The following EDARADD variants were observed in gnomAD, a reference collection of about 807,000 sequenced individuals.
The protein encoded by EDARADD is ectodysplasin-A receptor-associated adapter protein.
In EDARADD, 20 loss-of-function variants were observed where a neutral mutation model predicts 25.6. The observed-to-expected ratio is 0.78, with a 90% CI of 0.55 to 1.14. The LOEUF (loss-of-function observed/expected upper bound fraction) is 1.14. EDARADD is among the 50% of genes most tolerant of loss of function. EDARADD has a pLI of 0.00. For missense variants in EDARADD, 225 were observed against 270.1 expected, an observed-to-expected ratio of 0.83 and a Z score of 1.17; for synonymous variants, 86 against 94.4, an observed-to-expected ratio of 0.91 and a Z score of 0.52.
At chr1:236,466,231 T>C (rs1659182187) in intron 4 of EDARADD, among the ~76,000 whole-genome samples, 1 of 152,168 alleles carries the variant, frequency 6.6e-6, no homozygotes, top group South Asian at 2.1e-4. Flanking sequence ...GCAGGAGTGT[T>C]GCAGATGCAA....
intron 3 of EDARADD, among the ~76,000 whole-genome samples, chr1:236,371,105 C>T (rs990001750): frequency 3.9e-5 from 6 of 152,196 alleles, no homozygotes; most frequent in African/African-American, 1.4e-4. Context: ...GGTAGGTTTG[C>T]ATAGTACCCC....
chr1:236,416,976 T>G (rs1340074160), intron 3 of EDARADD, among the ~76,000 whole-genome samples: 1 of 152,034 alleles, frequency 6.6e-6, no homozygotes, highest in Non-Finnish European at 1.5e-5. Context: ...TAGCTGGGCG[T>G]GGTGACATGT....
chr1:236,436,676 A>G (rs1005506533), intron 4 of EDARADD, among the ~76,000 whole-genome samples: 1 of 151,188 alleles, frequency 6.6e-6, no homozygotes, highest in African/African-American at 2.4e-5. Flanking sequence ...TAGAGGCAGG[A>G]CTCAAAGAAG....
intron 3 of EDARADD, among the ~76,000 whole-genome samples, chr1:236,376,164 A>C (rs1667222029): frequency 1.3e-5 from 2 of 152,074 alleles, no homozygotes; most frequent in South Asian, 4.2e-4. Context: ...TGAACTCCTG[A>C]CCAAAGGTGA....
intron 3 of EDARADD, among the ~76,000 whole-genome samples, chr1:236,357,841 T>C (rs1666998478): frequency 6.6e-6 from 1 of 151,822 alleles, no homozygotes; most frequent in African/African-American, 2.4e-5. Flanking sequence ...TCAAACTATA[T>C]CACCACCTTA....
chr1:236,458,496 T>C lies in EDARADD; in HGVS notation c.220-9735T>C, dbSNP rs570638599. 7.2e-5 allele frequency among the ~76,000 whole-genome samples: 11 copies of C among 152,244 alleles called. No homozygotes were observed. The South Asian group carries it at 2.1e-3, about 29-fold the overall frequency. ...AAGGAAGTACCTAGATTGTAACCAG[T>C]AACATGTGGGGAGTGAGATGGGATT... On this transcript the variant is annotated intron_variant, in intron 4 of 5. Transcript: ENST00000334232.
exon 2 of EDARADD, chr1:236,348,950 T>C (rs1293044029): frequency 6.6e-6 from 1 of 152,074 alleles, no homozygotes; most frequent in Non-Finnish European, 1.5e-5. Flanking sequence ...TGATTTTGGC[T>C]GGTGTCTAAA....
At chr1:236,460,295 C>T (rs549218631) in intron 4 of EDARADD, among the ~76,000 whole-genome samples, 2 of 151,674 alleles carry the variant, frequency 1.3e-5, no homozygotes, top group African/African-American at 4.8e-5. Flanking sequence ...AGCAATCCTC[C>T]CACCTCAGCC....
At chr1:236,355,021 A>C (rs1192745793) in intron 3 of EDARADD, among the ~76,000 whole-genome samples, 1 of 152,202 alleles carries the variant, frequency 6.6e-6, no homozygotes, top group East Asian at 1.9e-4. Flanking sequence ...TTTGAAGAGA[A>C]AGCACCTTTA....
intron 3 of EDARADD, among the ~76,000 whole-genome samples, chr1:236,423,774 G>A (rs923655626): frequency 4.6e-5 from 7 of 152,162 alleles, no homozygotes; most frequent in African/African-American, 1.7e-4. Context: ...TAGGCATGGG[G>A]TATGGAAGCC....
chr1:236,427,962 AT>A (rs1194524277), intron 4 of EDARADD, among the ~76,000 whole-genome samples: 102 of 98,048 alleles, frequency 1.0e-3, no homozygotes, highest in South Asian at 7.2e-3. Flanking sequence ...TAATTTATTT[AT>A]TTTATTTTAT....
chr1:236,469,332 G>A (rs1310775065), intron 5 of EDARADD, among the ~76,000 whole-genome samples: 4 of 152,030 alleles, frequency 2.6e-5, no homozygotes, highest in African/African-American at 9.7e-5. Flanking sequence ...AAATTAGCCA[G>A]GCGTGGTGAT....
chr1:236,436,782 A>G lies in EDARADD; in HGVS notation c.219+9332A>G, dbSNP rs139831997. Among the ~76,000 whole-genome samples, 3 of 152,284 alleles carry G rather than the reference A, an allele frequency of 2.0e-5. No individual in the cohort carries two copies. In the East Asian group the frequency reaches 5.8e-4, roughly 29 times the overall value. ...CTGGTGTTGTGCCTTGAATCACGGC[A>G]TTTGGTTGGGACAGTTGGTTGGGAC... On this transcript the variant is annotated intron_variant, in intron 4 of 5. Transcript: ENST00000334232.
chr1:236,354,959 A>G (rs892769289), intron 3 of EDARADD, among the ~76,000 whole-genome samples: 2 of 152,174 alleles, frequency 1.3e-5, no homozygotes, highest in Non-Finnish European at 2.9e-5. Context: ...ATATATGACT[A>G]TTGTGTAATA....
At chr1:236,475,499 C>G (rs941162752) in intron 5 of EDARADD, among the ~76,000 whole-genome samples, 1 of 151,950 alleles carries the variant, frequency 6.6e-6, no homozygotes, top group Non-Finnish European at 1.5e-5. Flanking sequence ...GCACTGTGGC[C>G]CATGCTGGTA....
At chr1:236,355,927 G>T (rs1294754272) in intron 3 of EDARADD, among the ~76,000 whole-genome samples, 4 of 152,036 alleles carry the variant, frequency 2.6e-5, no homozygotes, top group Non-Finnish European at 5.9e-5. Context: ...TTAAAAACAT[G>T]GGGCACATGT....
chr1:236,437,187 T>A (rs1658277515), intron 4 of EDARADD, among the ~76,000 whole-genome samples: 1 of 152,092 alleles, frequency 6.6e-6, no homozygotes, highest in Non-Finnish European at 1.5e-5. Context: ...TCAGCACATA[T>A]CCCTAAAGGC....
upstream of EDARADD, chr1:236,394,268 C>T: frequency 1.6e-6 from 1 of 641,378 alleles, no homozygotes; most frequent in South Asian, 1.9e-5. Context: ...AAAAAAATTT[C>T]CCTTCCTATC....
intron 1 of EDARADD, among the ~76,000 whole-genome samples, chr1:236,405,324 C>T (rs578127649): frequency 1.3e-5 from 2 of 152,196 alleles, no homozygotes; most frequent in Non-Finnish European, 2.9e-5. Flanking sequence ...CTGTCTCTAT[C>T]TTGTTGGCCT....
Sources: allele counts gnomAD v4.1 joint callset (sites outside exome capture counted in the v4.1 genomes callset), GRCh38; gene constraint gnomAD v4.1.1; transcripts MANE v1.5; gene names NCBI Gene and HGNC (gene_info 2026-07-23, HGNC 2026-07-21).